Variants in CACNA1S observed in about 807,000 individuals in gnomAD.
The protein encoded by CACNA1S is voltage-dependent L-type calcium channel subunit alpha-1S.
CACNA1S carries 126 observed loss-of-function variants against 207.4 expected under a neutral mutation model. The ratio of observed to expected loss-of-function variants is 0.61; its 90% confidence interval spans 0.53 to 0.70. The LOEUF (loss-of-function observed/expected upper bound fraction) is 0.70. CACNA1S is among the 30% of genes least tolerant of loss of function. The pLI, the probability that CACNA1S is intolerant of heterozygous loss-of-function variation, is 0.00. For missense variants in CACNA1S, 2,349 were observed against 2,422.8 expected, an observed-to-expected ratio of 0.97 and a Z score of 0.64; for synonymous variants, 960 against 932.7, an observed-to-expected ratio of 1.03 and a Z score of -0.53.
intron 14 of CACNA1S, 70 bp from the exon 15 acceptor site, chr1:201,073,712 C>T: frequency 8.2e-7 from 1 of 1,216,702 alleles, no homozygotes; most frequent in Non-Finnish European, 1.2e-6. Context: ...CTGACAACAC[C>T]TTCAGGAGGA....
At chr1:201,088,530 T>C (rs534507959) in intron 6 of CACNA1S, among the ~76,000 whole-genome samples, 23 of 152,264 alleles carry the variant, frequency 1.5e-4, no homozygotes, top group African/African-American at 4.3e-4. Context: ...ACCCCCACAA[T>C]AGGCGGCGTC....
intron 33 of CACNA1S, 110 bp from the exon 34 acceptor site, chr1:201,050,626 C>A: frequency 1.5e-6 from 2 of 1,304,920 alleles, no homozygotes; most frequent in Non-Finnish European, 2.2e-6. Flanking sequence ...TTCCTGTGCC[C>A]TTGATTCTAG....
intron 19 of CACNA1S, among the ~76,000 whole-genome samples, chr1:201,067,217 A>G (rs1661278471): frequency 6.6e-6 from 1 of 152,184 alleles, no homozygotes; most frequent in African/African-American, 2.4e-5. Context: ...CTGGGCCAGA[A>G]GTCTCTTTCT....
At chr1:201,109,872 T>C (rs566477814) in intron 2 of CACNA1S, among the ~76,000 whole-genome samples, 1 of 152,204 alleles carries the variant, frequency 6.6e-6, no homozygotes, top group African/African-American at 2.4e-5. Flanking sequence ...ACTTTATGAG[T>C]TGGTTGTGAG....
chr1:201,110,066 C>A (rs1274401852), intron 2 of CACNA1S, 98 bp downstream of exon 2: 12 of 1,127,142 alleles, frequency 1.1e-5, no homozygotes, highest in Non-Finnish European at 1.4e-5. Context: ...GGGAGTTGAA[C>A]CACCGGCACC....
chr1:201,112,057 CTG>C, intron 1 of CACNA1S, 129 bp downstream of exon 1: 2 of 782,486 alleles, frequency 2.6e-6, no homozygotes, highest in Non-Finnish European at 3.9e-6. Context: ...TCACTCAATT[CTG>C]TGAGTTCACC....
chr1:201,058,720 TG>T (rs897524972), intron 27 of CACNA1S, among the ~76,000 whole-genome samples: 3 of 151,668 alleles, frequency 2.0e-5, no homozygotes, highest in Admixed American at 6.6e-5. Flanking sequence ...AAAGTAGTGG[TG>T]GGGGGGAGGG....
chr1:201,071,134 G>A (rs1661425622), intron 16 of CACNA1S, among the ~76,000 whole-genome samples: 2 of 151,952 alleles, frequency 1.3e-5, no homozygotes, highest in Non-Finnish European at 1.5e-5. Flanking sequence ...GACGGTGGGG[G>A]CACTATTCAA....
chr1:201,086,649 T>C (rs1662048821), intron 7 of CACNA1S, among the ~76,000 whole-genome samples: 1 of 152,240 alleles, frequency 6.6e-6, no homozygotes, highest in Admixed American at 6.5e-5. Flanking sequence ...ATGCAGCCCG[T>C]CATTGACTGA....
intron 2 of CACNA1S, among the ~76,000 whole-genome samples, chr1:201,096,125 C>T (rs938471784): frequency 6.6e-5 from 10 of 152,220 alleles, no homozygotes; most frequent in Non-Finnish European, 1.5e-4. Context: ...CTGCCACTGC[C>T]TGTCTGGCTG....
intron 2 of CACNA1S, among the ~76,000 whole-genome samples, chr1:201,097,082 T>G (rs1319517564): frequency 6.6e-6 from 1 of 152,018 alleles, no homozygotes; most frequent in African/African-American, 2.4e-5. Flanking sequence ...CCTCTTGCTC[T>G]CCCCGGGTCC....
At chr1:201,106,663 G>A (rs1662903020) in intron 2 of CACNA1S, among the ~76,000 whole-genome samples, 1 of 152,196 alleles carries the variant, frequency 6.6e-6, no homozygotes, top group East Asian at 1.9e-4. Flanking sequence ...CAGGGCAAGT[G>A]CAGATTGCCA....
In CACNA1S at chr1:201,043,517, CA is replaced by C. The variant is rs1558052161; in HGVS notation, c.4811del (p.Leu1604ArgfsTer30). On this transcript the variant is annotated frameshift_variant, in exon 40 of 44. Coordinates refer to ENST00000362061, the MANE Select transcript of CACNA1S (RefSeq NM_000069.3). LOFTEE classifies it high-confidence loss of function. ...CCAGGAAGTTGTCCACCTGGCCAAA[CA>C]GGCCTCCAGTCCTCTAGGGGCAAGG... ...EEGIFRRTGG[L>X]FGQVDNFLER... is the part of the protein sequence containing the mutation. The C allele has an allele frequency of 6.2e-7, 1 of 1,613,950 alleles. No individual in the cohort carries two copies. Among genetic ancestry groups the C allele is most frequent in the Non-Finnish European group, 8.5e-7 (1 of 1,179,998 alleles).
chr1:201,059,108 G>A (rs1189769765), intron 27 of CACNA1S, 81 bp downstream of exon 27: 2 of 882,424 alleles, frequency 2.3e-6, no homozygotes, highest in East Asian at 2.5e-5. Flanking sequence ...GATAGGATGA[G>A]GGATGGGGGT....
chr1:201,058,374 A>G (rs750377177), intron 28 of CACNA1S, 34 bp downstream of exon 28: 1 of 1,574,796 alleles, frequency 6.4e-7, no homozygotes, highest in Non-Finnish European at 8.7e-7. Context: ...TCTTGGGCCC[A>G]CCCTAGTGAT....
chr1:201,083,922 T>C (rs1293498642), intron 9 of CACNA1S, among the ~76,000 whole-genome samples: 2 of 152,154 alleles, frequency 1.3e-5, no homozygotes, highest in Admixed American at 1.3e-4. Context: ...GCAAGTCTAT[T>C]TCTAGAGTTC....
chr1:201,040,326 G>C lies in CACNA1S; in HGVS notation c.5275C>G (p.Pro1759Ala). The change falls in exon 43 of 44, where the codon CCA (proline) becomes GCA (alanine). Residue 1759 changes from proline (P) to alanine (A), a missense_variant. Pro to Ala is a conservative substitution (Grantham distance 27). Transcript: ENST00000362061. ...SMPEDRKSST[P>A]GSLHEETPHS... ...GGTGTCTCCTCATGAAGAGACCCTG[G>C]TGTGGAGCTCTTTCTGTCCTCAGGC... The C allele has an allele frequency of 1.2e-6, 2 of 1,613,802 alleles. No individual in the cohort carries two copies. The highest frequency in any genetic ancestry group is 1.7e-6 in the Non-Finnish European group (2 of 1,179,858).
chr1:201,040,475 A>G, intron 42 of CACNA1S, 101 bp from the exon 43 acceptor site: 2 of 1,501,538 alleles, frequency 1.3e-6, no homozygotes, highest in Non-Finnish European at 1.8e-6. Flanking sequence ...CAAGATCCAC[A>G]GAAAGGGGAG....
In CACNA1S at chr1:201,062,452, C is replaced by A. The variant is rs748231032; in HGVS notation, c.2906+10G>T. On this transcript the variant is annotated intron_variant, in intron 23 of 43. Coordinates refer to ENST00000362061, the MANE Select transcript of CACNA1S (RefSeq NM_000069.3). ...CGTGACCGTCCCACTGTGCTCCCTG[C>A]CCCATGTACCTGCACTCCTCCTCTG... The A allele has an allele frequency of 5.8e-5, 93 of 1,613,354 alleles. No homozygotes were observed. The South Asian group carries it at 8.5e-4, about 15-fold the overall frequency.
Sources: gnomAD v4.1 joint callset for allele counts (sites outside exome capture counted in the v4.1 genomes callset) on GRCh38, gnomAD v4.1.1 for gene constraint, MANE v1.5 for transcripts, NCBI Gene and HGNC (gene_info 2026-07-23, HGNC 2026-07-21) for gene names.